The following CNTNAP5 variants were observed in gnomAD, a reference collection of about 807,000 sequenced individuals.
CNTNAP5 encodes contactin-associated protein-like 5.
In CNTNAP5, 72 loss-of-function variants were observed where a neutral mutation model predicts 150.2. The observed-to-expected ratio is 0.48, with a 90% CI of 0.40 to 0.58. The LOEUF (loss-of-function observed/expected upper bound fraction) is 0.58, where lower values mean the gene tolerates loss of function less well. Among genes scored for constraint, CNTNAP5 ranks in the 20% least tolerant of loss-of-function variants. The pLI, the probability that CNTNAP5 is intolerant of heterozygous loss-of-function variation, is 0.00. For missense variants in CNTNAP5, 1,636 were observed against 1,626.2 expected, an observed-to-expected ratio of 1.01 and a Z score of -0.10; for synonymous variants, 672 against 619.8, an observed-to-expected ratio of 1.08 and a Z score of -1.25.
At chr2:124,031,025 A>G (rs1382798725) in intron 1 of CNTNAP5, among the ~76,000 whole-genome samples, 1 of 152,106 alleles carries the variant, frequency 6.6e-6, no homozygotes, top group African/African-American at 2.4e-5. Flanking sequence ...ACTCCTTCAC[A>G]TTCCACAAAC....
At chr2:124,166,904 G>A (rs1291761141) in intron 1 of CNTNAP5, among the ~76,000 whole-genome samples, 1 of 152,068 alleles carries the variant, frequency 6.6e-6, no homozygotes, top group East Asian at 1.9e-4. Context: ...CCCCCAAGAT[G>A]GAGCCCACAG....
intron 21 of CNTNAP5, among the ~76,000 whole-genome samples, chr2:124,887,979 T>C (rs1678115353): frequency 6.6e-6 from 1 of 152,132 alleles, no homozygotes; most frequent in South Asian, 2.1e-4. Context: ...TTTTATAATA[T>C]TTTAGATACA....
intron 6 of CNTNAP5, among the ~76,000 whole-genome samples, chr2:124,465,317 A>G (rs914458491): frequency 2.5e-4 from 38 of 152,256 alleles, no homozygotes; most frequent in African/African-American, 8.7e-4. Flanking sequence ...CAAGACATTG[A>G]GACTGTGAGT....
chr2:124,709,763 G>A (rs1316756728), intron 13 of CNTNAP5, among the ~76,000 whole-genome samples: 2 of 152,082 alleles, frequency 1.3e-5, no homozygotes, highest in East Asian at 1.9e-4. Context: ...TAATCCACCA[G>A]ATAATTAAAT....
chr2:124,625,045 G>C (rs1200324586), intron 12 of CNTNAP5, among the ~76,000 whole-genome samples: 5 of 152,206 alleles, frequency 3.3e-5, no homozygotes, highest in Non-Finnish European at 7.3e-5. Context: ...GAGGTTGTGA[G>C]GCTGGGTTAT....
At chr2:124,278,683 G>T (rs1183473286) in intron 3 of CNTNAP5, among the ~76,000 whole-genome samples, 1 of 152,136 alleles carries the variant, frequency 6.6e-6, no homozygotes, top group Non-Finnish European at 1.5e-5. Context: ...TGAAAAACAG[G>T]TGACCTTTAG....
intron 4 of CNTNAP5, among the ~76,000 whole-genome samples, chr2:124,425,090 C>T (rs182276474): frequency 6.4e-4 from 98 of 152,242 alleles, no homozygotes; most frequent in Middle Eastern, 6.8e-3. Flanking sequence ...ATGCCAAGGC[C>T]TTGCCTCCTA....
chr2:124,177,793 A>G (rs1038582303), intron 1 of CNTNAP5, among the ~76,000 whole-genome samples: 10 of 150,984 alleles, frequency 6.6e-5, no homozygotes, highest in Admixed American at 2.0e-4. Context: ...CCTGCTTTCT[A>G]TATCAGGTTT....
At chr2:124,675,595 A>G (rs1678923157) in intron 13 of CNTNAP5, among the ~76,000 whole-genome samples, 1 of 152,142 alleles carries the variant, frequency 6.6e-6, no homozygotes, top group South Asian at 2.1e-4. Context: ...ATCCTAACTC[A>G]ATTTCAATCG....
At chr2:124,488,890 G>T (rs1204648813) in intron 7 of CNTNAP5, among the ~76,000 whole-genome samples, 1 of 152,142 alleles carries the variant, frequency 6.6e-6, no homozygotes, top group Non-Finnish European at 1.5e-5. Context: ...GCTGCCTGGA[G>T]ATAGAGTGTT....
At chr2:124,563,353 G>A (rs1297840825) in intron 11 of CNTNAP5, 30 bp downstream of exon 11, 2 of 1,381,520 alleles carry the variant, frequency 1.4e-6, no homozygotes, top group Admixed American at 2.0e-5. Flanking sequence ...GCCCCTGGTG[G>A]CTTGGACAAA....
intron 1 of CNTNAP5, among the ~76,000 whole-genome samples, chr2:124,047,536 G>A (rs1299428578): frequency 5.9e-5 from 9 of 152,214 alleles, no homozygotes. Flanking sequence ...CCCTAGGAGA[G>A]ATACTGGATT....
chr2:124,270,763 A>G (rs1429890725), intron 3 of CNTNAP5, among the ~76,000 whole-genome samples: 2 of 152,150 alleles, frequency 1.3e-5, no homozygotes, highest in Non-Finnish European at 2.9e-5. Context: ...TCCTTATCCA[A>G]AAAAGTCATG....
At chr2:124,435,839 G>T (rs1225007143) in intron 5 of CNTNAP5, among the ~76,000 whole-genome samples, 1 of 152,170 alleles carries the variant, frequency 6.6e-6, no homozygotes, top group Non-Finnish European at 1.5e-5. Flanking sequence ...GGCAGCGGTA[G>T]CAGAAAGAAT....
intron 19 of CNTNAP5, among the ~76,000 whole-genome samples, chr2:124,858,173 C>T (rs1320664342): frequency 6.6e-6 from 1 of 152,178 alleles, no homozygotes; most frequent in African/African-American, 2.4e-5. Context: ...CTCACCACTC[C>T]TATTCAACAC....
At chr2:124,256,500 AT>A (rs1458566954) in intron 3 of CNTNAP5, among the ~76,000 whole-genome samples, 1 of 152,098 alleles carries the variant, frequency 6.6e-6, no homozygotes, top group African/African-American at 2.4e-5. Flanking sequence ...AGGAACATAC[AT>A]GAAATTAGAG....
At chr2:124,493,073 G>A (rs1279352243) in intron 7 of CNTNAP5, among the ~76,000 whole-genome samples, 1 of 152,042 alleles carries the variant, frequency 6.6e-6, no homozygotes, top group Non-Finnish European at 1.5e-5. Context: ...AACCTTTAAT[G>A]TTAAGTATGA....
At chr2:124,082,510 A>G (rs1053641712) in intron 1 of CNTNAP5, among the ~76,000 whole-genome samples, 1 of 151,884 alleles carries the variant, frequency 6.6e-6, no homozygotes, top group African/African-American at 2.4e-5. Flanking sequence ...CTTGCTGAGT[A>G]GTTTTCTGTG....
At chr2:124,558,615 T>A (rs993207260) in intron 10 of CNTNAP5, among the ~76,000 whole-genome samples, 1 of 152,202 alleles carries the variant, frequency 6.6e-6, no homozygotes, top group Non-Finnish European at 1.5e-5. Context: ...AAATTCATAT[T>A]TCTTCTGTGA....
Sources: allele counts gnomAD v4.1 joint callset (sites outside exome capture counted in the v4.1 genomes callset), GRCh38; gene constraint gnomAD v4.1.1; transcripts MANE v1.5; gene names NCBI Gene and HGNC (gene_info 2026-07-23, HGNC 2026-07-21).